WNK2: variants seen among roughly 807,000 people sequenced by gnomAD.
The protein encoded by WNK2 is WNK lysine deficient protein kinase 2, also known as serine/threonine-protein kinase WNK2.
In WNK2, 67 loss-of-function variants were observed where a neutral mutation model predicts 192.1. The ratio of observed to expected loss-of-function variants is 0.35; its 90% CI spans 0.29 to 0.43. WNK2 has a LOEUF of 0.43. WNK2 is among the 20% of genes least tolerant of loss of function. The pLI, the probability that WNK2 is intolerant of heterozygous loss-of-function variation, is 1.00. For missense variants in WNK2, 2,698 were observed against 3,089.7 expected (o/e 0.87, Z 3.01); for synonymous variants, 1,439 against 1,393.9 (o/e 1.03, Z -0.72).
At position 93,263,602 on chromosome 9, in the gene WNK2, G is replaced by A; in HGVS notation, c.3447G>A (p.Leu1149=). 1 of 1,610,982 alleles carries A rather than the reference G, an allele frequency of 6.2e-7. No individual in the cohort carries two copies. The highest frequency in any genetic ancestry group is 8.5e-7 in the Non-Finnish European group (1 of 1,179,214). ...GGSDVTSGKE[L]SDSCEGAFGG... ...CTGATGTCACTTCTGGAAAAGAGCT[G>A]AGTGACAGCTGTGAAGGCGCCTTTG... The change falls in exon 15 of 30, where the codon CTG becomes CTA. Residue 1149 remains leucine (L), a synonymous_variant. Transcript: ENST00000427277.
At chr9:93,251,774 T>TCC (rs1842639248) in intron 8 of WNK2, among the ~76,000 whole-genome samples, 1 of 152,192 alleles carries the variant, frequency 6.6e-6, no homozygotes, top group Admixed American at 6.5e-5. Flanking sequence ...TTGTCAGGTC[T>TCC]ATACACGTTC....
chr9:93,255,974 C>A (rs1156603241), intron 9 of WNK2, among the ~76,000 whole-genome samples: 1 of 152,144 alleles, frequency 6.6e-6, no homozygotes, highest in Non-Finnish European at 1.5e-5. Context: ...TCATATGGAC[C>A]GTGAGCTTCC....
intron 12 of WNK2, among the ~76,000 whole-genome samples, chr9:93,261,221 G>A (rs1002342964): frequency 3.9e-5 from 6 of 152,176 alleles, no homozygotes; most frequent in African/African-American, 1.4e-4. Flanking sequence ...GAGGTGAGAA[G>A]TTTCTCTAAA....
At chr9:93,206,436 C>T (rs890960379) in intron 2 of WNK2, among the ~76,000 whole-genome samples, 4 of 152,206 alleles carry the variant, frequency 2.6e-5, no homozygotes, top group African/African-American at 7.2e-5. Context: ...GCTCCAGTCC[C>T]TGCCTGGGGA....
chr9:93,232,696 G>A (rs1839039606), intron 4 of WNK2, among the ~76,000 whole-genome samples: 1 of 152,230 alleles, frequency 6.6e-6, no homozygotes, highest in Admixed American at 6.5e-5. Context: ...GTTTCGAGTT[G>A]CTGGATCAGG....
At chr9:93,265,941 C>T (rs1464159338) in intron 16 of WNK2, among the ~76,000 whole-genome samples, 3 of 152,232 alleles carry the variant, frequency 2.0e-5, no homozygotes, top group East Asian at 3.8e-4. Context: ...AGCATCTTCT[C>T]AGCCTTGTTT....
In WNK2 at chr9:93,315,783, T is replaced by G. The variant is rs10992703; in HGVS notation, c.6517-1737T>G. On this transcript the variant is annotated intron_variant, in intron 28 of 29. Coordinates refer to ENST00000427277, the MANE Select transcript of WNK2 (RefSeq NM_006648.4). ...TTTCCATGAACTTTTTGAAGACCCC[T>G]TGTGTGTGTGTGTGTGTGTGTGTGT... 13 of 117,104 alleles carry G rather than the reference T, an allele frequency of 1.1e-4. 2 individuals are homozygous for G. The highest frequency in any genetic ancestry group is 1.9e-4 in the Admixed American group (2 of 10,486). 7.3% of individuals were successfully genotyped at this position (117,104 alleles called of 1,614,324 possible). A position where few individuals can be genotyped will look rare whatever the true frequency, so the allele number is the denominator to read the frequency against.
intron 2 of WNK2, among the ~76,000 whole-genome samples, chr9:93,204,780 G>T (rs1833078436): frequency 1.3e-5 from 2 of 152,202 alleles, no homozygotes; most frequent in African/African-American, 4.8e-5. Context: ...GAAAGTGAGG[G>T]ATGCCCGAGG....
intron 2 of WNK2, among the ~76,000 whole-genome samples, chr9:93,214,491 A>G (rs1835342820): frequency 1.3e-5 from 2 of 151,596 alleles, no homozygotes; most frequent in African/African-American, 4.9e-5. Context: ...TTTAGTAGAG[A>G]CGGGGTTTCA....
At chr9:93,272,725 C>T (rs866031657) in intron 19 of WNK2, among the ~76,000 whole-genome samples, 50 of 66,818 alleles carry the variant, frequency 7.5e-4, no homozygotes, top group African/African-American at 3.7e-3. Context: ...GCAACAAGAG[C>T]GAAACTCCGT....
At chr9:93,250,882 T>C (rs1842503562) in intron 8 of WNK2, among the ~76,000 whole-genome samples, 1 of 151,026 alleles carries the variant, frequency 6.6e-6, no homozygotes, top group Non-Finnish European at 1.5e-5. Flanking sequence ...CCTCCCAGGT[T>C]CAAGTGATTC....
At chr9:93,305,557 C>G (rs1281676780) in intron 26 of WNK2, among the ~76,000 whole-genome samples, 1 of 152,204 alleles carries the variant, frequency 6.6e-6, no homozygotes, top group African/African-American at 2.4e-5. Context: ...TCACCTTTCC[C>G]CACACTAGCT....
intron 19 of WNK2, 81 bp downstream of exon 19, chr9:93,268,827 G>T (rs372345166): frequency 4.4e-6 from 7 of 1,578,120 alleles, no homozygotes; most frequent in Non-Finnish European, 5.2e-6. Flanking sequence ...GCCGGTATGT[G>T]CCCCGTGCCC....
rs559510944 is a variant in WNK2 at position 93,230,540 on chromosome 9, C to G, written c.855-348C>G. On this transcript the variant is annotated intron_variant, in intron 3 of 29. Transcript: ENST00000427277. ...CCTTTCGTAACCCTCACCCCCTCAC[C>G]TGAGCATCTGCTGGCTGGTACTCCG... Among the ~76,000 whole-genome samples the G allele has an allele frequency of 2.6e-4, 39 of 152,326 alleles. 2 individuals carry two copies. The East Asian group carries it at 4.9e-3, about 19-fold the overall frequency.
At chr9:93,288,004 C>T (rs1350776614) in intron 19 of WNK2, among the ~76,000 whole-genome samples, 1 of 152,124 alleles carries the variant, frequency 6.6e-6, no homozygotes, top group East Asian at 1.9e-4. Context: ...CGAGATTGCA[C>T]CACTGCACTC....
intron 19 of WNK2, among the ~76,000 whole-genome samples, chr9:93,279,042 A>G (rs1847348645): frequency 6.6e-6 from 1 of 152,222 alleles, no homozygotes; most frequent in Non-Finnish European, 1.5e-5. Flanking sequence ...TGAACAGCCG[A>G]AAAGCATCCC....
chr9:93,226,802 A>T (rs1287008810), intron 2 of WNK2, among the ~76,000 whole-genome samples: 1 of 151,940 alleles, frequency 6.6e-6, no homozygotes, highest in Admixed American at 6.6e-5. Flanking sequence ...AGGCAGGAGC[A>T]TGCTCCTTTT....
chr9:93,194,907 C>T lies in WNK2; in HGVS notation c.681+9297C>T, dbSNP rs546225695. On this transcript the variant is annotated intron_variant, in intron 2 of 29. Coordinates refer to ENST00000427277, the MANE Select transcript of WNK2 (RefSeq NM_006648.4). ...AATGAGCTATGAAGACATGAAAACA[C>T]AGAGAGGAGCCAGAAATGAATATTT... Among the ~76,000 whole-genome samples the T allele has an allele frequency of 2.0e-5, 3 of 151,944 alleles. No homozygotes were observed. The South Asian group carries it at 6.2e-4, about 31-fold the overall frequency.
chr9:93,298,616 T>C (rs1470966068), intron 24 of WNK2, among the ~76,000 whole-genome samples: 2 of 152,192 alleles, frequency 1.3e-5, no homozygotes, highest in African/African-American at 2.4e-5. Flanking sequence ...GCCTGCTTGC[T>C]GGTGGAGAGC....
Sources: allele counts gnomAD v4.1 joint callset (sites outside exome capture counted in the v4.1 genomes callset), GRCh38; gene constraint gnomAD v4.1.1; transcripts MANE v1.5; gene names NCBI Gene and HGNC (gene_info 2026-07-23, HGNC 2026-07-21).